MYLK3: variants seen among roughly 807,000 people sequenced by gnomAD.
MYLK3 encodes myosin light chain kinase 3, also known as MLC kinase.
In MYLK3, 55 loss-of-function variants were observed where a neutral mutation model predicts 76.3. The observed-to-expected ratio is 0.72, with a 90% CI of 0.58 to 0.90. The LOEUF is 0.90. MYLK3 is among the 40% of genes least tolerant of loss of function. MYLK3 has a pLI of 0.00. For missense variants in MYLK3, 973 were observed against 1,053.6 expected (o/e 0.92, Z 1.06); for synonymous variants, 416 against 425.4 (o/e 0.98, Z 0.27).
At chr16:46,710,934 A>C in intron 10 of MYLK3, 145 bp from the exon 11 acceptor site, 1 of 865,876 alleles carries the variant, frequency 1.2e-6, no homozygotes, top group Non-Finnish European at 1.8e-6. Flanking sequence ...ACTTCTCCAC[A>C]GGATGGAGTC....
intron 3 of MYLK3, among the ~76,000 whole-genome samples, chr16:46,736,907 T>C (rs1596765496): frequency 6.6e-6 from 1 of 152,124 alleles, no homozygotes; most frequent in Non-Finnish European, 1.5e-5. Flanking sequence ...TTCTTTACTC[T>C]GCTACAGACA....
In MYLK3 at chr16:46,729,048, T is replaced by C; in HGVS notation, c.1748A>G (p.His583Arg). Residue 583 changes from histidine to arginine, a missense_variant, in exon 7 of 13, where the codon CAC becomes CGC. His to Arg is a conservative substitution (Grantham distance 29). Transcript: ENST00000394809. The stretch of plus-strand genomic sequence containing the variant: ...CTACTCCATGACAAGGGTGCAGCTG[T>C]GCTTGCTCTCGAAGGCGTCATAGAG... ...IQLYDAFESK[H>R]SCTLVMEYVD... 6.2e-7 allele frequency: 1 copy of C among 1,614,084 alleles called. No homozygotes were observed. Among genetic ancestry groups the C allele is most frequent in the South Asian group, 1.1e-5 (1 of 91,080 alleles).
At chr16:46,715,884 A>G (rs537619197) in intron 9 of MYLK3, among the ~76,000 whole-genome samples, 1 of 152,330 alleles carries the variant, frequency 6.6e-6, no homozygotes, top group South Asian at 2.1e-4. Flanking sequence ...ATTCTGCAGC[A>G]TGGAATATGC....
At chr16:46,721,499 C>T (rs1265977159) in intron 8 of MYLK3, among the ~76,000 whole-genome samples, 2 of 152,088 alleles carry the variant, frequency 1.3e-5, no homozygotes, top group African/African-American at 2.4e-5. Flanking sequence ...CAAGAGAAGC[C>T]GGGAATTCAG....
intron 1 of MYLK3, among the ~76,000 whole-genome samples, chr16:46,742,191 T>A (rs188343223): frequency 8.9e-4 from 135 of 151,940 alleles, no homozygotes; most frequent in Admixed American, 5.4e-3. Flanking sequence ...ACCATCATAA[T>A]TATTATGTAA....
intron 3 of MYLK3, 45 bp downstream of exon 3, chr16:46,737,666 A>G: frequency 6.5e-7 from 1 of 1,532,944 alleles, no homozygotes; most frequent in Non-Finnish European, 8.8e-7. Flanking sequence ...GCGAGGGGCC[A>G]CAGTCCATCC....
In MYLK3 at chr16:46,737,773, T is replaced by C. The variant is rs758910508; in HGVS notation, c.939A>G (p.Pro313=). The stretch of plus-strand genomic sequence containing the variant: ...CCTGGGCTGGCAGCCCTGGAGGCCC[T>C]GGGCACTGAGGGCCAGGCCCTGGAG... ...RLTPGPGPQC[P]GPPGLPAQAR... is the part of the protein sequence containing the mutation. Residue 313 remains proline (P), a synonymous_variant, in exon 3 of 13, where the codon CCA becomes CCG. Transcript: ENST00000394809. 6.2e-7 allele frequency: 1 copy of C among 1,611,778 alleles called. No homozygotes were observed. Among genetic ancestry groups the C allele is most frequent in the Admixed American group, 1.7e-5 (1 of 60,032 alleles).
intron 1 of MYLK3, among the ~76,000 whole-genome samples, chr16:46,757,845 A>G (rs1033069467): frequency 6.6e-6 from 1 of 152,224 alleles, no homozygotes; most frequent in African/African-American, 2.4e-5. Flanking sequence ...GTCCTCGGGC[A>G]GAACTGACCT....
At chr16:46,736,949 G>C (rs532614980) in intron 3 of MYLK3, among the ~76,000 whole-genome samples, 1 of 152,178 alleles carries the variant, frequency 6.6e-6, no homozygotes, top group African/African-American at 2.4e-5. Flanking sequence ...CTCAGGCTGC[G>C]TTCTAGGGGC....
intron 1 of MYLK3, among the ~76,000 whole-genome samples, chr16:46,746,076 G>A (rs1967015813): frequency 6.6e-6 from 1 of 152,036 alleles, no homozygotes; most frequent in Admixed American, 6.6e-5. Context: ...ATGTGCCAGG[G>A]ATTGGTTCCC....
At position 46,737,810 on chromosome 16, in the gene MYLK3, C is replaced by T. The variant is rs1443122899; in HGVS notation, c.902G>A (p.Gly301Asp). 2 of 1,613,036 alleles carry T rather than the reference C, an allele frequency of 1.2e-6. No individual in the cohort carries two copies. Among genetic ancestry groups the T allele is most frequent in the Non-Finnish European group, 1.7e-6 (2 of 1,180,036 alleles). The stretch of plus-strand genomic sequence containing the variant: ...GCCAGGCCCTGGAGTCAGCCTCGTG[C>T]CTTCCTCTAAGGGCTCAGGGTCAGG... Reference protein sequence around the residue: ...SRPDPEPLEEGTRLTPGPGPQ... With the variant: ...SRPDPEPLEEDTRLTPGPGPQ... Residue 301 changes from glycine to aspartate, a missense_variant, in exon 3 of 13, where the codon GGC (glycine) becomes GAC (aspartate). Around this residue, in one of 2 missense-constraint regions of MYLK3, gnomAD observed 641 missense variants for 637.0 expected, o/e 1.01. Transcript: ENST00000394809.
chr16:46,763,148 A>C, exon 1 of MYLK3: 2 of 984,886 alleles, frequency 2.0e-6, no homozygotes, highest in Non-Finnish European at 2.4e-6. Flanking sequence ...GACAAACTTA[A>C]ACCTGGAGGC....
intron 4 of MYLK3, 53 bp downstream of exon 4, chr16:46,732,155 C>G: frequency 6.8e-7 from 1 of 1,460,608 alleles, no homozygotes; most frequent in Non-Finnish European, 9.1e-7. Context: ...AGTAGGGGCT[C>G]CAAACTCCCT....
intron 3 of MYLK3, among the ~76,000 whole-genome samples, chr16:46,735,987 G>A (rs2143015552): frequency 6.6e-6 from 1 of 152,302 alleles, no homozygotes; most frequent in East Asian, 1.9e-4. Flanking sequence ...CATGGCCTCA[G>A]GATCCTCTGG....
At chr16:46,744,330 CT>C (rs71158891) in intron 1 of MYLK3, among the ~76,000 whole-genome samples, 12 of 43,702 alleles carry the variant, frequency 2.7e-4, no homozygotes, top group African/African-American at 1.1e-3. Context: ...CCACACCCAG[CT>C]TTTTTTTTTT....
At chr16:46,749,381 C>T (rs754699240), upstream of MYLK3, among the ~76,000 whole-genome samples, 2 of 152,266 alleles carry the variant, frequency 1.3e-5, no homozygotes, top group Admixed American at 1.3e-4. Flanking sequence ...AGGGCTGCCC[C>T]CAAGGGAGGG....
At chr16:46,710,988 G>A (rs1007873119) in intron 10 of MYLK3, 199 bp from the exon 11 acceptor site, 19 of 613,898 alleles carry the variant, frequency 3.1e-5, no homozygotes, top group Middle Eastern at 4.3e-4. Flanking sequence ...TTTAAAATTT[G>A]GAGGCAAGAA....
intron 1 of MYLK3, among the ~76,000 whole-genome samples, chr16:46,744,646 A>G (rs1966992359): frequency 6.6e-6 from 1 of 152,044 alleles, no homozygotes; most frequent in Admixed American, 6.6e-5. Context: ...CCAGCCTAAA[A>G]TATTTTTAAA....
At position 46,706,006 on chromosome 16, in the gene MYLK3, G is replaced by A. The variant is rs1966621016; in HGVS notation, c.*1698C>T. On this transcript the variant is annotated 3_prime_UTR_variant, in exon 13 of 13. Transcript: ENST00000394809. ...AAAAGTGTTAGTTGCTTGCCATGTT[G>A]AGAACAGTATGATTTCAGTGAAGGG... is the stretch of plus-strand genomic sequence containing the variant. The A allele has an allele frequency of 6.5e-6, 1 of 152,930 alleles. No homozygotes were observed. The highest frequency in any genetic ancestry group is 1.5e-5 in the Non-Finnish European group (1 of 68,798). The allele number at this position is 152,930 out of a possible 1,614,324, so 9.5% of individuals were successfully genotyped here.
Sources: gnomAD v4.1 joint callset for allele counts (sites outside exome capture counted in the v4.1 genomes callset) on GRCh38, gnomAD v4.1.1 for gene constraint, gnomAD v4.1.1 regional missense constraint, MANE v1.5 for transcripts, NCBI Gene and HGNC (gene_info 2026-07-23, HGNC 2026-07-21) for gene names.